STAU2: variants seen among roughly 807,000 people sequenced by gnomAD.
STAU2 encodes staufen double-stranded RNA binding protein 2.
In STAU2, 20 loss-of-function variants were observed where a neutral mutation model predicts 65.9. The observed-to-expected ratio is 0.30, with a 90% CI of 0.21 to 0.44. The LOEUF (loss-of-function observed/expected upper bound fraction) is 0.44. Ranked by LOEUF, STAU2 falls within the 20% of genes least tolerant of loss-of-function variation. The pLI, the probability that STAU2 is intolerant of heterozygous loss-of-function variation, is 1.00. For synonymous variants in STAU2, 232 were observed against 233.9 expected, an observed-to-expected ratio of 0.99 and a Z score of 0.07; for missense variants, 558 against 683.9, an observed-to-expected ratio of 0.82 and a Z score of 2.05.
intron 13 of STAU2, among the ~76,000 whole-genome samples, chr8:73,484,163 G>T (rs1678196451): frequency 6.6e-6 from 1 of 152,048 alleles, no homozygotes; most frequent in Non-Finnish European, 1.5e-5. Context: ...GGTCCCCTTG[G>T]ATATTGCTAA....
At position 73,702,319 on chromosome 8, in the gene STAU2, G is replaced by A. The variant is rs185419445; in HGVS notation, c.114+6713C>T. ...CCATTATGTGATTATTATGCATTGCGTGTCTAATCTATGTGAAAAAAAGAT... is the reference window on the plus strand; with the variant it reads ...CCATTATGTGATTATTATGCATTGCATGTCTAATCTATGTGAAAAAAAGAT... On this transcript the variant is annotated intron_variant, in intron 4 of 14. Coordinates refer to ENST00000524300, the MANE Select transcript of STAU2 (RefSeq NM_001164380.2). 7.9e-5 allele frequency among the ~76,000 whole-genome samples: 12 copies of A among 152,138 alleles called. No individual in the cohort carries two copies. The East Asian group carries it at 1.9e-3, about 24-fold the overall frequency.
intron 13 of STAU2, among the ~76,000 whole-genome samples, chr8:73,488,088 G>A (rs1585860740): frequency 6.6e-6 from 1 of 152,076 alleles, no homozygotes; most frequent in East Asian, 1.9e-4. Context: ...ATATATGTGT[G>A]AATGAATAAA....
chr8:73,515,623 A>G (rs1278373947), intron 13 of STAU2, among the ~76,000 whole-genome samples: 1 of 152,124 alleles, frequency 6.6e-6, no homozygotes, highest in Non-Finnish European at 1.5e-5. Context: ...CAGAAGTCAG[A>G]GTTCAAATTA....
intron 9 of STAU2, among the ~76,000 whole-genome samples, chr8:73,606,558 T>C (rs564580485): frequency 2.0e-5 from 3 of 152,306 alleles, no homozygotes; most frequent in Non-Finnish European, 4.4e-5. Flanking sequence ...CCCATCTACA[T>C]GAACATCTGA....
At chr8:73,490,269 C>A (rs1470644664) in intron 13 of STAU2, among the ~76,000 whole-genome samples, 1 of 152,036 alleles carries the variant, frequency 6.6e-6, no homozygotes. Context: ...ATCAACTTGA[C>A]AAATGGACAC....
At chr8:73,624,436 A>G (rs1412134758) in intron 6 of STAU2, among the ~76,000 whole-genome samples, 1 of 152,224 alleles carries the variant, frequency 6.6e-6, no homozygotes, top group African/African-American at 2.4e-5. Context: ...GGATATATAG[A>G]TAAATCATTA....
intron 6 of STAU2, among the ~76,000 whole-genome samples, chr8:73,634,304 CG>C (rs921932151): frequency 1.3e-5 from 2 of 151,818 alleles, no homozygotes; most frequent in African/African-American, 4.8e-5. Context: ...CCGGGGTGGG[CG>C]GATCACGAGG....
chr8:73,430,136 G>GA (rs1216135759), intron 13 of STAU2, among the ~76,000 whole-genome samples: 1 of 152,186 alleles, frequency 6.6e-6, no homozygotes, highest in East Asian at 1.9e-4. Context: ...CCATTTCTCT[G>GA]AAAATTCTTT....
intron 13 of STAU2, among the ~76,000 whole-genome samples, chr8:73,465,720 AT>A (rs1819617981): frequency 6.6e-6 from 1 of 152,208 alleles, no homozygotes; most frequent in Non-Finnish European, 1.5e-5. Context: ...GTGCATATGC[AT>A]TGCTTGATTA....
intron 6 of STAU2, among the ~76,000 whole-genome samples, chr8:73,626,155 G>A (rs190453787): frequency 6.1e-4 from 92 of 151,850 alleles, no homozygotes; most frequent in African/African-American, 2.0e-3. Flanking sequence ...ATAAAGCATG[G>A]TATAGAAAAA....
intron 13 of STAU2, among the ~76,000 whole-genome samples, chr8:73,442,024 T>A (rs950905844): frequency 3.3e-5 from 5 of 152,130 alleles, no homozygotes; most frequent in African/African-American, 9.7e-5. Context: ...GGAAAGCACA[T>A]CACTAATAAT....
intron 3 of STAU2, among the ~76,000 whole-genome samples, chr8:73,735,033 C>G (rs1396484222): frequency 6.6e-6 from 1 of 152,162 alleles, no homozygotes; most frequent in Non-Finnish European, 1.5e-5. Context: ...CTCCCAGGCT[C>G]AAGAGATCCT....
intron 6 of STAU2, among the ~76,000 whole-genome samples, chr8:73,641,655 G>T (rs1814978849): frequency 6.6e-6 from 1 of 152,060 alleles, no homozygotes; most frequent in African/African-American, 2.4e-5. Flanking sequence ...ATGTACTTAA[G>T]CAGATCATAA....
chr8:73,577,863 C>A (rs576713088), intron 12 of STAU2, among the ~76,000 whole-genome samples: 7 of 152,104 alleles, frequency 4.6e-5, no homozygotes, highest in Admixed American at 2.0e-4. Context: ...TAAATGTCTT[C>A]TTAAGACCTT....
At chr8:73,452,997 G>A (rs907475842) in intron 13 of STAU2, among the ~76,000 whole-genome samples, 20 of 152,258 alleles carry the variant, frequency 1.3e-4, no homozygotes, top group Admixed American at 9.1e-4. Flanking sequence ...TTTGTTCCAC[G>A]TTACTGAGTT....
At chr8:73,708,084 A>AT (rs60196006) in intron 4 of STAU2, among the ~76,000 whole-genome samples, 10,983 of 152,256 alleles carry the variant, frequency 0.072, 434 homozygotes, top group Middle Eastern at 0.14. Flanking sequence ...GGCTACAACT[A>AT]TTTTTTCTGT....
chr8:73,449,655 G>C (rs1198236703), intron 13 of STAU2, among the ~76,000 whole-genome samples: 1 of 152,180 alleles, frequency 6.6e-6, no homozygotes, highest in Admixed American at 6.5e-5. Context: ...TGTCTGCCCT[G>C]GGGCTGGGTG....
chr8:73,670,853 G>C (rs1159338412), intron 6 of STAU2, among the ~76,000 whole-genome samples: 1 of 152,018 alleles, frequency 6.6e-6, no homozygotes, highest in Non-Finnish European at 1.5e-5. Flanking sequence ...TAAAAGAAGT[G>C]AGAGAAATAA....
At chr8:73,443,044 G>A (rs1172055633) in intron 13 of STAU2, among the ~76,000 whole-genome samples, 1 of 152,164 alleles carries the variant, frequency 6.6e-6, no homozygotes, top group Non-Finnish European at 1.5e-5. Flanking sequence ...ACCTCAACTT[G>A]GGCAAGGGAT....
Sources: allele counts gnomAD v4.1 joint callset (sites outside exome capture counted in the v4.1 genomes callset), GRCh38; gene constraint gnomAD v4.1.1; transcripts MANE v1.5; gene names NCBI Gene and HGNC (gene_info 2026-07-23, HGNC 2026-07-21).